Variants in DPY19L1 observed in about 807,000 individuals in gnomAD.
DPY19L1 encodes protein C-mannosyl-transferase DPY19L1.
Under a neutral mutation model 96.9 loss-of-function variants are expected in DPY19L1, and 35 were observed. The observed-to-expected ratio is 0.36, with a 90% CI of 0.28 to 0.48. DPY19L1 has a LOEUF of 0.48. Among genes scored for constraint, DPY19L1 ranks in the 20% least tolerant of loss-of-function variants. DPY19L1 has a pLI of 0.99. For synonymous variants in DPY19L1, 205 were observed against 252.6 expected, an observed-to-expected ratio of 0.81 and a Z score of 1.79; for missense variants, 521 against 777.9, an observed-to-expected ratio of 0.67 and a Z score of 3.93.
chr7:35,029,465 A>G (rs1329919492), intron 1 of DPY19L1, among the ~76,000 whole-genome samples: 1 of 152,188 alleles, frequency 6.6e-6, no homozygotes. Flanking sequence ...CATCATATTC[A>G]GCAAGAGATT....
At chr7:34,944,681 G>A (rs1229545465) in intron 16 of DPY19L1, among the ~76,000 whole-genome samples, 8 of 152,110 alleles carry the variant, frequency 5.3e-5, no homozygotes, top group Non-Finnish European at 1.2e-4. Flanking sequence ...TCCACTCTAT[G>A]TATCATAGTA....
chr7:34,976,944 C>T (rs1784843377), intron 7 of DPY19L1, among the ~76,000 whole-genome samples: 1 of 141,594 alleles, frequency 7.1e-6, no homozygotes, highest in Non-Finnish European at 1.6e-5. Flanking sequence ...CTACCACACC[C>T]AGCTAATTTT....
In DPY19L1 at chr7:34,938,103, C is replaced by T. The variant is rs1415426247; in HGVS notation, c.1981G>A (p.Val661Ile). The T allele has an allele frequency of 1.2e-6, 2 of 1,613,322 alleles. No individual in the cohort carries two copies. Among genetic ancestry groups the T allele is most frequent in the East Asian group, 2.2e-5 (1 of 44,858 alleles). The change falls in exon 21 of 22, where the codon GTA (valine) becomes ATA (isoleucine). Residue 661 changes from valine to isoleucine, a missense_variant. Val to Ile is a conservative substitution (Grantham distance 29). Coordinates refer to ENST00000638088, the MANE Select transcript of DPY19L1 (RefSeq NM_001366673.1). ...GCTTTCCGACTATACATTGAGTATA[C>T]TATTTTTGTTCTGGCTCTTTAAAGA... Reference protein sequence around the residue: ...DAGLRARTKIVYSMYSRKAAE... With the variant: ...DAGLRARTKIIYSMYSRKAAE...
intron 6 of DPY19L1, among the ~76,000 whole-genome samples, chr7:34,997,899 C>T (rs917852527): frequency 6.6e-6 from 1 of 152,084 alleles, no homozygotes; most frequent in Non-Finnish European, 1.5e-5. Context: ...ACTTCATAGG[C>T]AACTTGGTTG....
At chr7:34,937,856 T>G in intron 21 of DPY19L1, 138 bp downstream of exon 21, 1 of 881,224 alleles carries the variant, frequency 1.1e-6, no homozygotes. Flanking sequence ...GAGAGCCTGT[T>G]TAAAAAAAAA....
chr7:34,938,104 T>A lies in DPY19L1; in HGVS notation c.1980A>T (p.Ile660=). The change falls in exon 21 of 22, where the codon ATA becomes ATT. Residue 660 remains isoleucine (I), a synonymous_variant. Transcript: ENST00000638088. Reference sequence around the variant, plus strand: ...CTTTCCGACTATACATTGAGTATACTATTTTTGTTCTGGCTCTTTAAAGAA... The same window carrying A: ...CTTTCCGACTATACATTGAGTATACAATTTTTGTTCTGGCTCTTTAAAGAA... ...EDAGLRARTK[I]VYSMYSRKAA... is the part of the protein sequence containing the mutation. 1 of 1,613,432 alleles carries A rather than the reference T, an allele frequency of 6.2e-7. No homozygotes were observed. The highest frequency in any genetic ancestry group is 8.5e-7 in the Non-Finnish European group (1 of 1,179,868).
intron 6 of DPY19L1, among the ~76,000 whole-genome samples, chr7:35,004,166 T>C (rs1305980096): frequency 6.6e-6 from 1 of 152,230 alleles, no homozygotes; most frequent in Non-Finnish European, 1.5e-5. Context: ...CACTTTTGGC[T>C]TGTCGCTTTA....
chr7:34,945,238 GT>G (rs60660460), intron 16 of DPY19L1, among the ~76,000 whole-genome samples: 37 of 149,046 alleles, frequency 2.5e-4, no homozygotes, highest in East Asian at 2.4e-3. Context: ...TTAATTTTGG[GT>G]TTTTTTTTTC....
chr7:35,034,518 G>C (rs329269), intron 1 of DPY19L1, among the ~76,000 whole-genome samples: 71,905 of 151,996 alleles, frequency 0.47, 17,445 homozygotes, highest in Admixed American at 0.61. Context: ...ACAAATATTA[G>C]CACTAAATAA....
At chr7:34,949,357 ACT>A (rs1333797937) in intron 14 of DPY19L1, among the ~76,000 whole-genome samples, 3 of 151,982 alleles carry the variant, frequency 2.0e-5, no homozygotes, top group African/African-American at 4.8e-5. Context: ...CCACTAAACT[ACT>A]CTCTGCTTTC....
intron 6 of DPY19L1, among the ~76,000 whole-genome samples, chr7:34,997,407 A>G (rs1318386026): frequency 7.1e-6 from 1 of 141,326 alleles, no homozygotes; most frequent in East Asian, 2.1e-4. Flanking sequence ...CCTGGCTAAC[A>G]TGGTGAAACC....
intron 3 of DPY19L1, 110 bp from the exon 4 acceptor site, chr7:35,013,815 A>C (rs1169135044): frequency 2.8e-6 from 2 of 718,148 alleles, no homozygotes; most frequent in Non-Finnish European, 4.2e-6. Context: ...AATAGCTATT[A>C]ATACAATGAA....
At chr7:34,987,154 G>A (rs564760437) in intron 7 of DPY19L1, among the ~76,000 whole-genome samples, 10 of 152,148 alleles carry the variant, frequency 6.6e-5, no homozygotes, top group Non-Finnish European at 1.3e-4. Flanking sequence ...CATGTTGTGT[G>A]CATCTTGTAA....
chr7:34,948,008 G>A (rs1456131423), intron 14 of DPY19L1, among the ~76,000 whole-genome samples: 2 of 151,950 alleles, frequency 1.3e-5, no homozygotes, highest in Non-Finnish European at 2.9e-5. Flanking sequence ...ATTCATCTAA[G>A]GTATGTAAAG....
intron 10 of DPY19L1, among the ~76,000 whole-genome samples, chr7:34,958,615 G>A (rs1379744947): frequency 6.6e-6 from 1 of 152,196 alleles, no homozygotes; most frequent in Non-Finnish European, 1.5e-5. Flanking sequence ...ATTACTAGAA[G>A]TGAAATTGAT....
At chr7:34,958,394 CCA>C (rs1166321999) in intron 10 of DPY19L1, among the ~76,000 whole-genome samples, 1 of 152,186 alleles carries the variant, frequency 6.6e-6, no homozygotes, top group Non-Finnish European at 1.5e-5. Flanking sequence ...CACATGCAAG[CCA>C]ATCTAATACA....
intron 7 of DPY19L1, among the ~76,000 whole-genome samples, chr7:34,978,491 CACATAGTAACCATAA>C (rs1182087234): frequency 6.6e-6 from 1 of 152,242 alleles, no homozygotes; most frequent in East Asian, 1.9e-4. Context: ...TCCTGCTGTC[CACATAGTAACCATAA>C]ACATGCTAGG....
At chr7:34,984,717 A>G (rs1211668420) in intron 7 of DPY19L1, among the ~76,000 whole-genome samples, 12 of 152,180 alleles carry the variant, frequency 7.9e-5, no homozygotes, top group Admixed American at 7.9e-4. Flanking sequence ...ATTCATGTAA[A>G]ACATAATTTA....
At chr7:35,017,372 G>A (rs568244829) in intron 3 of DPY19L1, among the ~76,000 whole-genome samples, 71 of 151,766 alleles carry the variant, frequency 4.7e-4, no homozygotes, top group Non-Finnish European at 9.0e-4. Context: ...GCGGGCGCCT[G>A]TAGTCCCAGC....
Sources: allele counts gnomAD v4.1 joint callset (sites outside exome capture counted in the v4.1 genomes callset), GRCh38; gene constraint gnomAD v4.1.1; transcripts MANE v1.5; gene names NCBI Gene and HGNC (gene_info 2026-07-23, HGNC 2026-07-21).